The following ST3GAL3 variants were observed in gnomAD, a reference collection of about 807,000 sequenced individuals.
ST3GAL3 encodes the protein CMP-N-acetylneuraminate-beta-1,4-galactoside alpha-2,3-sialyltransferase.
Under a neutral mutation model 50.1 loss-of-function variants are expected in ST3GAL3, and 21 were observed. The ratio of observed to expected loss-of-function variants is 0.42; its 90% CI spans 0.30 to 0.60. The LOEUF is 0.60. ST3GAL3 is among the 20% of genes least tolerant of loss of function. ST3GAL3 has a pLI of 0.19. For missense variants in ST3GAL3, 353 were observed against 489.4 expected (o/e 0.72, Z 2.63); for synonymous variants, 183 against 190.0 (o/e 0.96, Z 0.30).
At chr1:43,880,919 T>C (rs2075006558) in intron 5 of ST3GAL3, among the ~76,000 whole-genome samples, 1 of 152,086 alleles carries the variant, frequency 6.6e-6, no homozygotes, top group African/African-American at 2.4e-5. Flanking sequence ...ATTATTACTG[T>C]TGTTATTATT....
At chr1:43,905,015 A>C (rs1313155756) in intron 9 of ST3GAL3, among the ~76,000 whole-genome samples, 133 of 10,420 alleles carry the variant, frequency 0.013, no homozygotes, top group Admixed American at 0.02. Flanking sequence ...TCCTCTTCCC[A>C]CCACTCTTCC....
chr1:43,776,191 C>T (rs1697168301), intron 2 of ST3GAL3, among the ~76,000 whole-genome samples: 1 of 152,184 alleles, frequency 6.6e-6, no homozygotes, highest in South Asian at 2.1e-4. Flanking sequence ...AATCCTGCAG[C>T]CATTTGCCGT....
At chr1:43,889,888 G>A (rs555193901) in intron 5 of ST3GAL3, among the ~76,000 whole-genome samples, 1 of 152,196 alleles carries the variant, frequency 6.6e-6, no homozygotes, top group Non-Finnish European at 1.5e-5. Flanking sequence ...AGTTACAAAT[G>A]AATGATGTAT....
intron 2 of ST3GAL3, among the ~76,000 whole-genome samples, chr1:43,747,448 G>A (rs1372182639): frequency 6.6e-6 from 1 of 152,024 alleles, no homozygotes; most frequent in Non-Finnish European, 1.5e-5. Context: ...GATACCTGGG[G>A]TGAAGGATGG....
At chr1:43,895,434 T>C (rs1243480689) in intron 6 of ST3GAL3, among the ~76,000 whole-genome samples, 1 of 152,234 alleles carries the variant, frequency 6.6e-6, no homozygotes, top group East Asian at 1.9e-4. Context: ...TCTGGACTTA[T>C]GGGTCAGGCA....
At chr1:43,820,893 C>G (rs956391415) in intron 4 of ST3GAL3, among the ~76,000 whole-genome samples, 4 of 152,116 alleles carry the variant, frequency 2.6e-5, no homozygotes, top group Non-Finnish European at 5.9e-5. Context: ...ACTACTAAGT[C>G]TCAGTTAAAG....
rs574501775 is a variant in ST3GAL3, at chr1:43,865,616, G to A, written c.302+27305G>A. On this transcript the variant is annotated intron_variant, in intron 5 of 11. Coordinates refer to ENST00000347631, the MANE Select transcript of ST3GAL3 (RefSeq NM_006279.5). ...CATGAAAACAAAATTAGAGAATGCTGACATGATGGTAAATGAAAGTCTAGG... is the reference window on the plus strand; with the variant it reads ...CATGAAAACAAAATTAGAGAATGCTAACATGATGGTAAATGAAAGTCTAGG... 3.3e-5 allele frequency among the ~76,000 whole-genome samples: 5 copies of A among 152,290 alleles called. No individual in the cohort carries two copies. The East Asian group carries it at 9.6e-4, about 29-fold the overall frequency.
chr1:43,796,251 G>GA (rs1295379796), intron 3 of ST3GAL3, among the ~76,000 whole-genome samples: 15 of 152,220 alleles, frequency 9.9e-5, no homozygotes, highest in Non-Finnish European at 2.1e-4. Flanking sequence ...GTGCAGTTCA[G>GA]AAAATTCATG....
At chr1:43,725,794 G>T (rs920863036) in intron 1 of ST3GAL3, among the ~76,000 whole-genome samples, 3 of 151,636 alleles carry the variant, frequency 2.0e-5, no homozygotes, top group Non-Finnish European at 4.4e-5. Context: ...CTACAGGCAC[G>T]CACCACCGTG....
chr1:43,828,296 A>G (rs2063088431), intron 4 of ST3GAL3, among the ~76,000 whole-genome samples: 1 of 152,184 alleles, frequency 6.6e-6, no homozygotes, highest in Admixed American at 6.5e-5. Context: ...ACTATAATAA[A>G]CTTCTGGAAG....
intron 7 of ST3GAL3, chr1:43,898,935 G>A: frequency 1.7e-6 from 1 of 590,154 alleles, no homozygotes; most frequent in East Asian, 2.9e-5. Flanking sequence ...CCATGGCCCT[G>A]TTTTCCTGGG....
chr1:43,894,257 G>A (rs2077048154), intron 5 of ST3GAL3, 126 bp from the exon 6 acceptor site: 3 of 895,424 alleles, frequency 3.4e-6, no homozygotes, highest in African/African-American at 1.6e-5. Context: ...GCTGGGTGGA[G>A]GGGGGTATGC....
chr1:43,857,809 TTTCACCA>T (rs2068885006), intron 5 of ST3GAL3, among the ~76,000 whole-genome samples: 1 of 151,820 alleles, frequency 6.6e-6, no homozygotes, highest in Admixed American at 6.6e-5. Flanking sequence ...AGAAGCGGGG[TTTCACCA>T]TGATGGCCAG....
chr1:43,855,500 C>T (rs58163934), intron 5 of ST3GAL3, among the ~76,000 whole-genome samples: 6,518 of 152,034 alleles, frequency 0.043, 170 homozygotes, highest in East Asian at 0.13. Flanking sequence ...ATCCCAACTA[C>T]TCGGGAGGCT....
At chr1:43,730,926 GATAA>G (rs1675457694) in intron 1 of ST3GAL3, among the ~76,000 whole-genome samples, 1 of 152,122 alleles carries the variant, frequency 6.6e-6, no homozygotes, top group Middle Eastern at 3.4e-3. Flanking sequence ...TAAATATATG[GATAA>G]ATAAATACCT....
chr1:43,800,630 T>C (rs751895605), intron 3 of ST3GAL3, among the ~76,000 whole-genome samples: 1 of 152,232 alleles, frequency 6.6e-6, no homozygotes. Context: ...GCCTACTTCA[T>C]GATTGGGGGA....
chr1:43,850,090 G>A (rs2066997565), intron 5 of ST3GAL3, among the ~76,000 whole-genome samples: 1 of 152,224 alleles, frequency 6.6e-6, no homozygotes. Flanking sequence ...TTAAAAACCT[G>A]TAATAACCTG....
intron 11 of ST3GAL3, among the ~76,000 whole-genome samples, chr1:43,928,832 C>G (rs775351951): frequency 6.6e-6 from 1 of 152,148 alleles, no homozygotes; most frequent in East Asian, 1.9e-4. Context: ...TCGCTTGAAC[C>G]TGGGAGGCAG....
chr1:43,761,856 CAGG>C (rs767763126), intron 2 of ST3GAL3, among the ~76,000 whole-genome samples: 11 of 145,692 alleles, frequency 7.6e-5, no homozygotes, highest in Non-Finnish European at 1.3e-4. Context: ...GAGGCTGGGG[CAGG>C]AGAATAGCGT....
Sources: gnomAD v4.1 joint callset for allele counts (sites outside exome capture counted in the v4.1 genomes callset) on GRCh38, gnomAD v4.1.1 for gene constraint, MANE v1.5 for transcripts, NCBI Gene and HGNC (gene_info 2026-07-23, HGNC 2026-07-21) for gene names.